Variants in RTN4 observed in about 807,000 individuals in gnomAD.
RTN4 encodes the protein reticulon-4.
A neutral mutation model predicts 90.4 loss-of-function variants in RTN4; 32 were observed. That is an observed-to-expected ratio of 0.35 (90% CI 0.27 to 0.48). The LOEUF is 0.48. RTN4 is among the 20% of genes least tolerant of loss of function. The pLI is 0.99. For synonymous variants in RTN4, 629 were observed against 552.5 expected (o/e 1.14, Z -1.94); for missense variants, 1,706 against 1,430.2 (o/e 1.19, Z -3.11).
rs1679604388 is a variant in RTN4 at position 54,998,340 on chromosome 2, T to C, written c.3014-10642A>G. On this transcript the variant is annotated intron_variant, in intron 3 of 8. Coordinates refer to ENST00000337526, the MANE Select transcript of RTN4 (RefSeq NM_020532.5). ...AGGTTGTAAACTCCATAAAAGAACATGTATGTCTTACTACCTAACTTTATC... is the reference window on the plus strand; with the variant it reads ...AGGTTGTAAACTCCATAAAAGAACACGTATGTCTTACTACCTAACTTTATC... Among the ~76,000 whole-genome samples, 4 of 152,128 alleles carry C rather than the reference T, an allele frequency of 2.6e-5. No homozygotes were observed. In the South Asian group the frequency reaches 6.2e-4, roughly 24 times the overall value.
At chr2:54,989,608 C>A (rs1372915837) in intron 3 of RTN4, among the ~76,000 whole-genome samples, 1 of 152,184 alleles carries the variant, frequency 6.6e-6, no homozygotes, top group Non-Finnish European at 1.5e-5. Flanking sequence ...GTAACTCAAC[C>A]TAGCAGAATG....
chr2:55,028,389 G>A (rs1021507166), intron 1 of RTN4, among the ~76,000 whole-genome samples, 169 bp from the exon 2 acceptor site: 4 of 152,100 alleles, frequency 2.6e-5, no homozygotes, highest in Non-Finnish European at 5.9e-5. Flanking sequence ...ATTAATTCAG[G>A]TTAAATCATC....
intron 2 of RTN4, among the ~76,000 whole-genome samples, chr2:55,072,870 T>C (rs1199522258): frequency 1.3e-5 from 2 of 152,220 alleles, no homozygotes; most frequent in African/African-American, 4.8e-5. Flanking sequence ...CTTTATTAAA[T>C]ATGCCATGTT....
chr2:55,005,374 T>C (rs887265143), intron 3 of RTN4, among the ~76,000 whole-genome samples: 2 of 152,160 alleles, frequency 1.3e-5, no homozygotes, highest in African/African-American at 4.8e-5. Context: ...CATCTTACAA[T>C]ATAAAGCTGG....
chr2:55,126,059 T>A, the RTN4 span, among the ~76,000 whole-genome samples: 5 of 64,312 alleles, frequency 7.8e-5, no homozygotes, highest in Non-Finnish European at 1.2e-4. Flanking sequence ...AGACTCCGTC[T>A]CAAAAAAAAA....
chr2:55,013,251 T>C lies in RTN4; in HGVS notation c.3013+11835A>G, dbSNP rs561869054. On this transcript the variant is annotated intron_variant, in intron 3 of 8. Coordinates refer to ENST00000337526, the MANE Select transcript of RTN4 (RefSeq NM_020532.5). ...TTTCCTGAACTCAAAATCAGCTTTATACAGAACTTTTGAAATAAACTGTTC... is the reference window on the plus strand; with the variant it reads ...TTTCCTGAACTCAAAATCAGCTTTACACAGAACTTTTGAAATAAACTGTTC... 7.9e-5 allele frequency among the ~76,000 whole-genome samples: 12 copies of C among 152,260 alleles called. No homozygotes were observed. The East Asian group carries it at 1.7e-3, about 22-fold the overall frequency.
At chr2:54,987,003 T>C (rs756190723) in intron 4 of RTN4, among the ~76,000 whole-genome samples, 29 of 151,956 alleles carry the variant, frequency 1.9e-4, no homozygotes, top group Non-Finnish European at 5.9e-5. Context: ...AAGGAGATGC[T>C]GAAATAAAGC....
Position 55,026,091 on chromosome 2 carries a change from CT to C in RTN4, c.2007del (p.Val670TyrfsTer4). 6.2e-7 allele frequency: 1 copy of C among 1,611,430 alleles called. No individual in the cohort carries two copies. The highest frequency in any genetic ancestry group is 1.1e-5 in the South Asian group (1 of 90,466). ...TTAATTTCTTCCTTTATTCCTGATA[CT>C]TTTTTTAGTGATACACTCATGGCCT... ...YEEAMSVSLK[K>X]VSGIKEEIKE... On this transcript the variant is annotated frameshift_variant, in exon 3 of 9. Coordinates refer to ENST00000337526, the MANE Select transcript of RTN4 (RefSeq NM_020532.5). LOFTEE classifies it high-confidence loss of function.
At chr2:55,002,189 G>A (rs1679896667) in intron 3 of RTN4, among the ~76,000 whole-genome samples, 1 of 151,956 alleles carries the variant, frequency 6.6e-6, no homozygotes, top group Non-Finnish European at 1.5e-5. Flanking sequence ...CTCCCAAGTA[G>A]CTGGGACCAT....
chr2:54,999,867 G>C lies in RTN4; in HGVS notation c.3014-12169C>G, dbSNP rs555741644. Among the ~76,000 whole-genome samples the C allele has an allele frequency of 2.0e-5, 3 of 152,200 alleles. No homozygotes were observed. In the South Asian group the frequency reaches 6.2e-4, roughly 32 times the overall value. On this transcript the variant is annotated intron_variant, in intron 3 of 8. Coordinates refer to ENST00000337526, the MANE Select transcript of RTN4 (RefSeq NM_020532.5). ...ACTGACAGGCGAAGGTCCACAAAAA[G>C]GATCTGTGCAGAGTTTAGCTCTCTT...
At chr2:55,014,762 G>A (rs1427400804) in intron 3 of RTN4, among the ~76,000 whole-genome samples, 5 of 151,942 alleles carry the variant, frequency 3.3e-5, no homozygotes, top group African/African-American at 7.3e-5. Context: ...TGATCTGCCC[G>A]CCTTAGCCTC....
At chr2:55,039,687 G>A (rs1682940298) in intron 1 of RTN4, among the ~76,000 whole-genome samples, 1 of 152,170 alleles carries the variant, frequency 6.6e-6, no homozygotes, top group African/African-American at 2.4e-5. Flanking sequence ...ACTGAGGCAG[G>A]AGAATCACTT....
At chr2:54,985,854 T>C (rs1392237159) in intron 4 of RTN4, among the ~76,000 whole-genome samples, 1 of 152,238 alleles carries the variant, frequency 6.6e-6, no homozygotes, top group Non-Finnish European at 1.5e-5. Context: ...AATAGTTTTT[T>C]CCTTTGTTTC....
At chr2:55,024,713 T>C (rs1048405995) in intron 3 of RTN4, among the ~76,000 whole-genome samples, 1 of 152,108 alleles carries the variant, frequency 6.6e-6, no homozygotes, top group African/African-American at 2.4e-5. Context: ...TATGGTAATT[T>C]CTGGGATAAC....
chr2:55,035,163 C>T (rs1022805098), intron 1 of RTN4, among the ~76,000 whole-genome samples: 21 of 152,230 alleles, frequency 1.4e-4, no homozygotes, highest in East Asian at 5.8e-4. Flanking sequence ...GATTTAGGCC[C>T]CACTACCAAT....
rs866403835 is a variant in RTN4 at position 54,991,029 on chromosome 2, G to T, written c.3014-3331C>A. The stretch of plus-strand genomic sequence containing the variant: ...GATCTGCTGACCTCATGATCCGCCC[G>T]CCTCGGCCTCTCAAAGTGCTGGGAT... On this transcript the variant is annotated intron_variant, in intron 3 of 8. Coordinates refer to ENST00000337526, the MANE Select transcript of RTN4 (RefSeq NM_020532.5). Among the ~76,000 whole-genome samples the T allele has an allele frequency of 2.0e-5, 3 of 151,938 alleles. No homozygotes were observed. In the East Asian group the frequency reaches 5.8e-4, roughly 29 times the overall value.
upstream of RTN4, among the ~76,000 whole-genome samples, chr2:55,051,372 A>T (rs1668085431): frequency 6.6e-6 from 1 of 152,234 alleles, no homozygotes; most frequent in Non-Finnish European, 1.5e-5. Context: ...CCTTAGGTTC[A>T]TGAGTCAACA....
At chr2:55,034,087 C>G (rs1682515060) in intron 1 of RTN4, among the ~76,000 whole-genome samples, 1 of 152,144 alleles carries the variant, frequency 6.6e-6, no homozygotes, top group African/African-American at 2.4e-5. Context: ...CTTACAGGAG[C>G]CAAGTCTGTA....
At chr2:55,127,643 G>C in the RTN4 span, among the ~76,000 whole-genome samples, 1 of 152,154 alleles carries the variant, frequency 6.6e-6, no homozygotes, top group Non-Finnish European at 1.5e-5. Flanking sequence ...CATTTTCAGA[G>C]AGGAGATTGA....
Sources: gnomAD v4.1 joint callset for allele counts (sites outside exome capture counted in the v4.1 genomes callset) on GRCh38, gnomAD v4.1.1 for gene constraint, MANE v1.5 for transcripts, NCBI Gene and HGNC (gene_info 2026-07-23, HGNC 2026-07-21) for gene names.